The following DNAJC10 variants were observed in gnomAD, a reference collection of about 807,000 sequenced individuals.
DNAJC10 encodes the protein endoplasmic reticulum disulfide reductase DNAJC10.
DNAJC10 carries 101 observed loss-of-function variants against 115.0 expected under a neutral mutation model. The observed-to-expected ratio is 0.88, with a 90% confidence interval of 0.75 to 1.04. DNAJC10 has a LOEUF of 1.04. DNAJC10 is among the 50% of genes least tolerant of loss of function. DNAJC10 has a pLI of 0.00. For synonymous variants in DNAJC10, 307 were observed against 301.5 expected, an observed-to-expected ratio of 1.02 and a Z score of -0.19; for missense variants, 981 against 928.8, an observed-to-expected ratio of 1.06 and a Z score of -0.73.
chr2:182,748,461 T>G (rs937353031), intron 14 of DNAJC10, among the ~76,000 whole-genome samples: 133 of 152,308 alleles, frequency 8.7e-4, no homozygotes, highest in African/African-American at 3.1e-3. Flanking sequence ...AGTCTTGGGA[T>G]AGTGTATGAG....
At chr2:182,717,867 G>C (rs1197616270) in intron 2 of DNAJC10, 74 bp from the exon 3 acceptor site, 4 of 380,686 alleles carry the variant, frequency 1.1e-5, no homozygotes, top group African/African-American at 4.1e-5. Flanking sequence ...TGCTGACCAT[G>C]TTCTGTGATA....
chr2:182,776,333 G>A (rs1694705764), intron 23 of DNAJC10, among the ~76,000 whole-genome samples: 1 of 152,120 alleles, frequency 6.6e-6, no homozygotes, highest in South Asian at 2.1e-4. Context: ...TCTTTAATCT[G>A]TCAAGAAGCA....
chr2:182,752,203 C>A lies in DNAJC10; in HGVS notation c.1551+15C>A. The A allele has an allele frequency of 7.6e-7, 1 of 1,310,244 alleles. No individual in the cohort carries two copies. Among genetic ancestry groups the A allele is most frequent in the South Asian group, 1.7e-5 (1 of 57,580 alleles). 81.2% of individuals were successfully genotyped at this position (1,310,244 alleles called of 1,614,324 possible). A position where few individuals can be genotyped will look rare whatever the true frequency, so the allele number is the denominator to read the frequency against. On this transcript the variant is annotated intron_variant, in intron 16 of 23. Coordinates refer to ENST00000264065, the MANE Select transcript of DNAJC10 (RefSeq NM_018981.4). ...TCTGTAACATGGTAAGGCAAAGTAT[C>A]AAAAATTATTCTAATTAATTTTATA...
chr2:182,749,304 G>A (rs1210352127), intron 14 of DNAJC10, among the ~76,000 whole-genome samples: 2 of 137,712 alleles, frequency 1.5e-5, no homozygotes, highest in Non-Finnish European at 3.1e-5. Flanking sequence ...TCTCTTTGTA[G>A]GTCACTCAGG....
Position 182,756,352 on chromosome 2 carries a change from C to G in DNAJC10, c.1692C>G (p.Thr564=). Reference sequence around the variant, plus strand: ...CTTCAGTGGTCTCCCTTACACCCACCACCTTCAACGAACTAGTTACACAAA... The same window carrying G: ...CTTCAGTGGTCTCCCTTACACCCACGACCTTCAACGAACTAGTTACACAAA... ...MNPSVVSLTP[T]TFNELVTQRK... The change falls in exon 18 of 24, where the codon ACC becomes ACG. Residue 564 remains threonine (T), a synonymous_variant. Coordinates refer to ENST00000264065, the MANE Select transcript of DNAJC10 (RefSeq NM_018981.4). 3 of 1,613,896 alleles carry G rather than the reference C, an allele frequency of 1.9e-6. No homozygotes were observed. Among genetic ancestry groups the G allele is most frequent in the African/African-American group, 1.3e-5 (1 of 75,022 alleles).
At chr2:182,770,123 G>C (rs1414178771) in intron 22 of DNAJC10, among the ~76,000 whole-genome samples, 4 of 152,154 alleles carry the variant, frequency 2.6e-5, no homozygotes, top group Non-Finnish European at 4.4e-5. Flanking sequence ...TCAGATGGTT[G>C]TAGATGTGTG....
At chr2:182,775,199 C>A in intron 22 of DNAJC10, 117 bp from the exon 23 acceptor site, 3 of 637,718 alleles carry the variant, frequency 4.7e-6, no homozygotes, top group Admixed American at 3.0e-5. Context: ...ATTTGAATTT[C>A]AAACACTTCA....
chr2:182,748,466 T>A (rs1386605422), intron 14 of DNAJC10, among the ~76,000 whole-genome samples: 1 of 152,236 alleles, frequency 6.6e-6, no homozygotes, highest in Non-Finnish European at 1.5e-5. Flanking sequence ...TGGGATAGTG[T>A]ATGAGTCGAG....
At position 182,752,083 on chromosome 2, in the gene DNAJC10, A is replaced by T; in HGVS notation, c.1446A>T (p.Pro482=). ...LVDFFAPWCP[P]CRALLPELRR... The stretch of plus-strand genomic sequence containing the variant: ...TTTTTCTTTCCTAGTGGTGTCCACC[A>T]TGTCGAGCTTTACTACCAGAGTTAC... Residue 482 remains proline, a synonymous_variant, in exon 16 of 24, where the codon CCA becomes CCT. Coordinates refer to ENST00000264065, the MANE Select transcript of DNAJC10 (RefSeq NM_018981.4). 6.2e-7 allele frequency: 1 copy of T among 1,613,062 alleles called. No individual in the cohort carries two copies. Among genetic ancestry groups the T allele is most frequent in the Non-Finnish European group, 8.5e-7 (1 of 1,179,394 alleles).
At chr2:182,720,213 T>A in intron 4 of DNAJC10, 44 bp downstream of exon 4, 1 of 1,504,976 alleles carries the variant, frequency 6.6e-7, no homozygotes, top group Non-Finnish European at 9.1e-7. Context: ...TTTATCTGAG[T>A]AAAAGAAAAG....
Position 182,788,893 on chromosome 2 carries a change from CT to C in DNAJC10, c.*11765del. 2.3e-6 allele frequency: 1 copy of C among 432,370 alleles called. No homozygotes were observed. The highest frequency in any genetic ancestry group is 4.5e-6 in the Non-Finnish European group (1 of 220,508). The allele number at this position is 432,370 out of a possible 1,614,324, so 26.8% of individuals were successfully genotyped here. ...GTGTCTTCTTTAAAACTCTTGATTCCTTTTAGAGTTTTTTAAATTGTGATAA... is the reference window on the plus strand; with the variant it reads ...GTGTCTTCTTTAAAACTCTTGATTCCTTTAGAGTTTTTTAAATTGTGATAA... On this transcript the variant is annotated 3_prime_UTR_variant, in exon 24 of 24. Transcript: ENST00000264065.
rs1163841313 is a variant in DNAJC10 at position 182,792,330 on chromosome 2, T to C, written c.*15198T>C. ...TTATCTTTGTGAGGGGTTTTGAGGG[T>C]TGTGGAACAGGATAACATTTTGAGG... On this transcript the variant is annotated 3_prime_UTR_variant, in exon 24 of 24. Coordinates refer to ENST00000264065, the MANE Select transcript of DNAJC10 (RefSeq NM_018981.4). 1 of 152,160 alleles carries C rather than the reference T, an allele frequency of 6.6e-6. No homozygotes were observed. The highest frequency in any genetic ancestry group is 6.5e-5 in the Admixed American group (1 of 15,272). The allele number at this position is 152,160 out of a possible 1,614,324, so 9.4% of individuals were successfully genotyped here. A position where few individuals can be genotyped will look rare whatever the true frequency, so the allele number is the denominator to read the frequency against.
intron 14 of DNAJC10, among the ~76,000 whole-genome samples, chr2:182,748,707 G>A (rs895046437): frequency 6.6e-6 from 1 of 152,044 alleles, no homozygotes; most frequent in Non-Finnish European, 1.5e-5. Context: ...GCTTTTGAAT[G>A]TGTTTGCTCT....
chr2:182,737,556 G>A (rs545170606), intron 11 of DNAJC10, among the ~76,000 whole-genome samples: 66 of 152,210 alleles, frequency 4.3e-4, no homozygotes, highest in African/African-American at 1.5e-3. Flanking sequence ...TCAAACCTCT[G>A]TTCTCCACTC....
Position 182,751,604 on chromosome 2 carries a change from T to TA in DNAJC10, c.1307-54_1307-53insA, listed in dbSNP as rs879024347. 2.2e-5 allele frequency: 35 copies of TA among 1,576,516 alleles called. No individual in the cohort carries two copies. The South Asian group carries it at 2.7e-4, about 12-fold the overall frequency. ...GAGTATTAAAACTTTGAAATGTCTC[T>TA]GTGCATACAAAAAGCAGAATTTGGA... is the stretch of plus-strand genomic sequence containing the variant. On this transcript the variant is annotated intron_variant, in intron 14 of 23. Coordinates refer to ENST00000264065, the MANE Select transcript of DNAJC10 (RefSeq NM_018981.4).
rs1574969889 is a variant in DNAJC10, at chr2:182,790,803, AAAATTACAATAGTAAT to A, written c.*13674_*13689del. The A allele has an allele frequency of 6.6e-6, 1 of 151,954 alleles. No homozygotes were observed. The highest frequency in any genetic ancestry group is 1.5e-5 in the Non-Finnish European group (1 of 67,980). 9.4% of individuals were successfully genotyped at this position (151,954 alleles called of 1,614,324 possible). A position where few individuals can be genotyped will look rare whatever the true frequency, so the allele number is the denominator to read the frequency against. ...AAACTCTATCTCAAAAAAAAAAAAA[AAAATTACAATAGTAAT>A]AATTATGCCTTCTAACACTAAAATC... On this transcript the variant is annotated 3_prime_UTR_variant, in exon 24 of 24. Transcript: ENST00000264065.
At chr2:182,752,305 TAAC>T in intron 16 of DNAJC10, 117 bp downstream of exon 16, 5 of 488,918 alleles carry the variant, frequency 1.0e-5, no homozygotes, top group Non-Finnish European at 1.7e-5. Context: ...TTTAGAGTAG[TAAC>T]AAATTATTTA....
At position 182,781,721 on chromosome 2, in the gene DNAJC10, TGAG is replaced by T. The variant is rs1694851896; in HGVS notation, c.*4590_*4592del. On this transcript the variant is annotated 3_prime_UTR_variant, in exon 24 of 24. Transcript: ENST00000264065. ...GCATTTCTCTAATGACCACTGATGA[TGAG>T]CTTTTTTTCATATCTTTGTTGGCCA... The T allele has an allele frequency of 6.6e-6, 1 of 152,246 alleles. No individual in the cohort carries two copies. The highest frequency in any genetic ancestry group is 2.4e-5 in the African/African-American group (1 of 41,474). 9.4% of individuals were successfully genotyped at this position (152,246 alleles called of 1,614,324 possible). A position where few individuals can be genotyped will look rare whatever the true frequency, so the allele number is the denominator to read the frequency against.
At position 182,777,367 on chromosome 2, in the gene DNAJC10, A is replaced by C; in HGVS notation, c.*235A>C. On this transcript the variant is annotated 3_prime_UTR_variant, in exon 24 of 24. Transcript: ENST00000264065. ...GCAGGCTATAATATATGGTTCACAC[A>C]TGAGAACAAGAATAGAGTCATCATG... is the stretch of plus-strand genomic sequence containing the variant. The C allele has an allele frequency of 3.1e-6, 1 of 318,338 alleles. No individual in the cohort carries two copies. The allele number at this position is 318,338 out of a possible 1,614,324, so 19.7% of individuals were successfully genotyped here.
Sources: allele counts gnomAD v4.1 joint callset (sites outside exome capture counted in the v4.1 genomes callset), GRCh38; gene constraint gnomAD v4.1.1; transcripts MANE v1.5; gene names NCBI Gene and HGNC (gene_info 2026-07-23, HGNC 2026-07-21).